Variants in KALRN observed in about 807,000 individuals in gnomAD.
The protein encoded by KALRN is kalirin RhoGEF kinase, also known as kalirin.
In KALRN, 70 loss-of-function variants were observed where a neutral mutation model predicts 353.7. The ratio of observed to expected loss-of-function variants is 0.20; its 90% CI spans 0.16 to 0.24. The LOEUF (loss-of-function observed/expected upper bound fraction) is 0.24. Among genes scored for constraint, KALRN ranks in the 10% least tolerant of loss-of-function variants. The pLI is 1.00. For synonymous variants in KALRN, 1,391 were observed against 1,434.8 expected (o/e 0.97, Z 0.69); for missense variants, 2,791 against 3,756.7 (o/e 0.74, Z 6.72).
intron 49 of KALRN, 55 bp downstream of exon 49, chr3:124,674,669 G>T: frequency 6.8e-7 from 1 of 1,466,298 alleles, no homozygotes; most frequent in Non-Finnish European, 9.1e-7. Flanking sequence ...AAAATATTCA[G>T]AAACAAACAA....
intron 30 of KALRN, 27 bp from the exon 31 acceptor site, chr3:124,491,296 C>A: frequency 6.6e-7 from 1 of 1,514,568 alleles, no homozygotes; most frequent in Non-Finnish European, 8.9e-7. Flanking sequence ...CCCTTCCCCG[C>A]CTCTCATAGG....
chr3:124,343,910 A>C (rs1216710011), intron 9 of KALRN, among the ~76,000 whole-genome samples: 1 of 152,230 alleles, frequency 6.6e-6, no homozygotes, highest in Non-Finnish European at 1.5e-5. Context: ...TGGCACAATA[A>C]GACTATTAAA....
intron 3 of KALRN, among the ~76,000 whole-genome samples, chr3:124,251,895 G>C (rs1341320613): frequency 6.6e-6 from 1 of 152,154 alleles, no homozygotes; most frequent in Non-Finnish European, 1.5e-5. Context: ...CCACATCCCT[G>C]TTCCAGGTGT....
At chr3:124,448,507 A>T (rs2093913402) in intron 21 of KALRN, among the ~76,000 whole-genome samples, 1 of 152,174 alleles carries the variant, frequency 6.6e-6, no homozygotes, top group Non-Finnish European at 1.5e-5. Flanking sequence ...GTATTCTCTG[A>T]GCCTCTGAGA....
At chr3:124,611,264 G>A (rs2077935149) in intron 34 of KALRN, among the ~76,000 whole-genome samples, 1 of 152,134 alleles carries the variant, frequency 6.6e-6, no homozygotes, top group African/African-American at 2.4e-5. Flanking sequence ...ATCAGAGATG[G>A]GAGCATTTCT....
At chr3:124,065,614 A>C (rs1465699545) in intron 1 of KALRN, among the ~76,000 whole-genome samples, 2 of 138,336 alleles carry the variant, frequency 1.4e-5, no homozygotes, top group African/African-American at 2.7e-5. Context: ...TTTCCATATG[A>C]CTAAAACATT....
intron 10 of KALRN, among the ~76,000 whole-genome samples, chr3:124,368,942 C>T (rs866965150): frequency 6.6e-6 from 1 of 151,820 alleles, no homozygotes; most frequent in Non-Finnish European, 1.5e-5. Flanking sequence ...CGCAGGCACT[C>T]GGCAGGCTGA....
chr3:124,245,248 T>C (rs1049546426), intron 3 of KALRN, among the ~76,000 whole-genome samples: 1 of 152,228 alleles, frequency 6.6e-6, no homozygotes, highest in Non-Finnish European at 1.5e-5. Context: ...TATTTGCCTT[T>C]CTGTACCTGG....
chr3:124,317,405 T>C (rs2078908722), intron 6 of KALRN, among the ~76,000 whole-genome samples: 1 of 152,216 alleles, frequency 6.6e-6, no homozygotes, highest in Non-Finnish European at 1.5e-5. Context: ...AGTGACTTTG[T>C]CAGGGATGGC....
In KALRN at chr3:124,363,986, G is replaced by C. The variant is rs867555111; in HGVS notation, c.1770+16721G>C. Among the ~76,000 whole-genome samples, 18 of 152,348 alleles carry C rather than the reference G, an allele frequency of 1.2e-4. No individual in the cohort carries two copies. In the South Asian group the frequency reaches 1.5e-3, roughly 12 times the overall value. Reference sequence around the variant, plus strand: ...AGAGAAAAATGGGCAGCCCTGCCCAGTGACCTCTCAACAGCAAGCAGTGTT... The same window carrying C: ...AGAGAAAAATGGGCAGCCCTGCCCACTGACCTCTCAACAGCAAGCAGTGTT... On this transcript the variant is annotated intron_variant, in intron 10 of 59. Coordinates refer to ENST00000682506, the MANE Select transcript of KALRN (RefSeq NM_001388419.1).
At chr3:124,504,271 AG>A (rs2064962371) in intron 33 of KALRN, among the ~76,000 whole-genome samples, 1 of 152,058 alleles carries the variant, frequency 6.6e-6, no homozygotes, top group Admixed American at 6.5e-5. Flanking sequence ...GGAACCTTAG[AG>A]ATCATCTAGC....
rs552981574 is a variant in KALRN, at chr3:124,703,677, G to T, written c.8075+1561G>T. On this transcript the variant is annotated intron_variant, in intron 57 of 59. Coordinates refer to ENST00000682506, the MANE Select transcript of KALRN (RefSeq NM_001388419.1). Reference sequence around the variant, plus strand: ...TCTTTTTGAGACAGGGTCTGTCTCTGTCACCAGGGCTGGAATGCAGTGGCA... The same window carrying T: ...TCTTTTTGAGACAGGGTCTGTCTCTTTCACCAGGGCTGGAATGCAGTGGCA... Among the ~76,000 whole-genome samples, 9 of 152,064 alleles carry T rather than the reference G, an allele frequency of 5.9e-5. No homozygotes were observed. In the South Asian group the frequency reaches 1.9e-3, roughly 32 times the overall value.
At chr3:124,282,327 TAA>T (rs947959420) in intron 5 of KALRN, among the ~76,000 whole-genome samples, 75 of 151,362 alleles carry the variant, frequency 5.0e-4, no homozygotes, top group African/African-American at 1.8e-3. Context: ...TGAAGGTTAC[TAA>T]AAACATTATC....
In KALRN at chr3:124,405,754, C is replaced by A. The variant is rs567572786; in HGVS notation, c.2346+6883C>A. ...CACCTCCTGGGTTCACGCCATTCTC[C>A]TGCCTCAGCCTCCTGAGTAGCTGGG... On this transcript the variant is annotated intron_variant, in intron 13 of 59. Coordinates refer to ENST00000682506, the MANE Select transcript of KALRN (RefSeq NM_001388419.1). 6.0e-5 allele frequency among the ~76,000 whole-genome samples: 9 copies of A among 150,932 alleles called. No homozygotes were observed. The East Asian group carries it at 1.8e-3, about 30-fold the overall frequency.
Position 124,562,828 on chromosome 3 carries a change from C to A in KALRN, c.4936-15C>A. ...TGCCCTCCTGTTCTACTCCCTCCAC[C>A]ACCACCCTCCAAAGCTCTCTGGTGG... is the stretch of plus-strand genomic sequence containing the variant. On this transcript the variant is annotated splice_polypyrimidine_tract_variant and intron_variant, in intron 33 of 59. Coordinates refer to ENST00000682506, the MANE Select transcript of KALRN (RefSeq NM_001388419.1). 7.4e-7 allele frequency: 1 copy of A among 1,349,492 alleles called. No homozygotes were observed. Among genetic ancestry groups the A allele is most frequent in the Non-Finnish European group, 9.9e-7 (1 of 1,012,672 alleles). 83.6% of individuals were successfully genotyped at this position (1,349,492 alleles called of 1,614,324 possible). A position where few individuals can be genotyped will look rare whatever the true frequency, so the allele number is the denominator to read the frequency against.
At chr3:124,588,817 C>T (rs753551545) in intron 34 of KALRN, among the ~76,000 whole-genome samples, 20 of 152,218 alleles carry the variant, frequency 1.3e-4, no homozygotes, top group Non-Finnish European at 2.4e-4. Context: ...CCATCCTCCA[C>T]AGTGTGCATG....
chr3:124,682,722 C>A (rs910043514), intron 51 of KALRN, among the ~76,000 whole-genome samples: 2 of 152,082 alleles, frequency 1.3e-5, no homozygotes, highest in African/African-American at 4.8e-5. Context: ...ACAGGCGCAT[C>A]CTTGAAGGTT....
intron 34 of KALRN, among the ~76,000 whole-genome samples, chr3:124,589,798 C>CA (rs1490892485): frequency 6.6e-6 from 1 of 152,134 alleles, no homozygotes; most frequent in African/African-American, 2.4e-5. Flanking sequence ...TAAGGATGTT[C>CA]AAGTCCCATA....
intron 36 of KALRN, among the ~76,000 whole-genome samples, chr3:124,635,546 G>GT (rs1364378319): frequency 3.3e-5 from 5 of 152,104 alleles, no homozygotes; most frequent in Admixed American, 6.5e-5. Context: ...ATTTCTGTAT[G>GT]TTTTTTATAA....
Sources: allele counts gnomAD v4.1 joint callset (sites outside exome capture counted in the v4.1 genomes callset), GRCh38; gene constraint gnomAD v4.1.1; transcripts MANE v1.5; gene names NCBI Gene and HGNC (gene_info 2026-07-23, HGNC 2026-07-21).